The following KLHL1 variants were observed in gnomAD, a reference collection of about 807,000 sequenced individuals.
KLHL1 encodes kelch-like protein 1.
A neutral mutation model predicts 77.7 loss-of-function variants in KLHL1; 47 were observed. The observed-to-expected ratio is 0.60, with a 90% confidence interval of 0.48 to 0.77. The LOEUF is 0.77. KLHL1 is among the 30% of genes least tolerant of loss of function. The pLI is 0.00. For missense variants in KLHL1, 925 were observed against 910.8 expected (o/e 1.02, Z -0.20); for synonymous variants, 360 against 325.2 (o/e 1.11, Z -1.15).
chr13:69,718,735 A>G lies in KLHL1; in HGVS notation c.2015+634T>C, dbSNP rs990614. Among the ~76,000 whole-genome samples the G allele has an allele frequency of 2.0e-3, 305 of 152,170 alleles. 1 individual carries two copies. The highest frequency in any genetic ancestry group is 7.0e-3 in the African/African-American group (290 of 41,512). On this transcript the variant is annotated intron_variant, in intron 9 of 10. Transcript: ENST00000377844. ...ATACCTGTGCCAGAAGTCTCTGCAT[A>G]GTATTCCTAGGCCTGAAGCCAAGGT...
intron 7 of KLHL1, among the ~76,000 whole-genome samples, chr13:69,775,175 G>A (rs567011317): frequency 5.9e-5 from 9 of 152,142 alleles, no homozygotes; most frequent in African/African-American, 2.2e-4. Flanking sequence ...TGTACATGGA[G>A]GTGCTAATGC....
chr13:70,028,728 G>T (rs1283412804), intron 1 of KLHL1, among the ~76,000 whole-genome samples: 3 of 152,120 alleles, frequency 2.0e-5, no homozygotes, highest in Non-Finnish European at 2.9e-5. Flanking sequence ...TGTAATCCCA[G>T]CAGTTTGAGA....
intron 8 of KLHL1, among the ~76,000 whole-genome samples, chr13:69,727,641 T>C (rs1774854619): frequency 6.6e-6 from 1 of 152,132 alleles, no homozygotes; most frequent in Non-Finnish European, 1.5e-5. Context: ...ATGACCATGC[T>C]CAAATATGGC....
At chr13:70,027,116 A>G (rs1191025898) in intron 1 of KLHL1, among the ~76,000 whole-genome samples, 1 of 152,120 alleles carries the variant, frequency 6.6e-6, no homozygotes, top group Non-Finnish European at 1.5e-5. Context: ...CTAAATGGAG[A>G]ATGAGAATAG....
chr13:69,807,312 C>T (rs1047636511), intron 6 of KLHL1, among the ~76,000 whole-genome samples: 1 of 152,020 alleles, frequency 6.6e-6, no homozygotes, highest in African/African-American at 2.4e-5. Context: ...CCAAGCCCAC[C>T]CTTGGCCTGA....
At chr13:69,902,411 T>C (rs1200095481) in intron 4 of KLHL1, among the ~76,000 whole-genome samples, 3 of 152,284 alleles carry the variant, frequency 2.0e-5, no homozygotes, top group Admixed American at 2.0e-4. Context: ...CATAGATTTA[T>C]CATGGTATAC....
At chr13:69,829,279 C>A (rs1261030366) in intron 6 of KLHL1, among the ~76,000 whole-genome samples, 1 of 149,868 alleles carries the variant, frequency 6.7e-6, no homozygotes, top group Non-Finnish European at 1.5e-5. Flanking sequence ...TCCACAGACA[C>A]TCCCCAGTAC....
chr13:69,855,841 G>A (rs1039966056), intron 5 of KLHL1, among the ~76,000 whole-genome samples: 2 of 131,698 alleles, frequency 1.5e-5, no homozygotes, highest in East Asian at 2.1e-4. Context: ...TATATATACG[G>A]TATTATATAT....
At chr13:69,803,979 G>A (rs1334984258) in intron 6 of KLHL1, among the ~76,000 whole-genome samples, 1 of 152,096 alleles carries the variant, frequency 6.6e-6, no homozygotes, top group Non-Finnish European at 1.5e-5. Context: ...GCCACCCCAG[G>A]CTTTGAACCT....
intron 1 of KLHL1, among the ~76,000 whole-genome samples, chr13:70,071,517 A>C (rs981837163): frequency 1.3e-5 from 2 of 152,142 alleles, no homozygotes; most frequent in African/African-American, 4.8e-5. Flanking sequence ...GAACAGCAGA[A>C]TATGCGATCT....
chr13:70,055,396 A>C (rs1226505626), intron 1 of KLHL1, among the ~76,000 whole-genome samples: 1 of 152,142 alleles, frequency 6.6e-6, no homozygotes, highest in Non-Finnish European at 1.5e-5. Context: ...CAACACCAGA[A>C]CTGTCCTACA....
In KLHL1 at chr13:69,773,659, C is replaced by T. The variant is rs185382594; in HGVS notation, c.1639+23079G>A. Among the ~76,000 whole-genome samples, 445 of 151,840 alleles carry T rather than the reference C, an allele frequency of 2.9e-3. 3 individuals carry two copies. The highest frequency in any genetic ancestry group is 0.01 in the African/African-American group (417 of 41,482). On this transcript the variant is annotated intron_variant, in intron 7 of 10. Transcript: ENST00000377844. Reference sequence around the variant, plus strand: ...ACTCTACAATTTAGTCAAGGTCTTTCGAGTATGGAGCACAGAACCTAAATT... The same window carrying T: ...ACTCTACAATTTAGTCAAGGTCTTTTGAGTATGGAGCACAGAACCTAAATT...
chr13:69,917,999 A>G (rs556744750), intron 4 of KLHL1, among the ~76,000 whole-genome samples: 3 of 152,186 alleles, frequency 2.0e-5, no homozygotes, highest in African/African-American at 4.8e-5. Context: ...ATTGATATTG[A>G]TATGTTGTAA....
chr13:69,874,895 T>C (rs151000682), intron 5 of KLHL1, among the ~76,000 whole-genome samples: 109 of 152,226 alleles, frequency 7.2e-4, no homozygotes, highest in Admixed American at 2.6e-3. Flanking sequence ...CCTAAGAGCA[T>C]AAATCTTGTC....
rs1428875827 is a variant in KLHL1 at position 69,967,801 on chromosome 13, C to T, written c.681-6357G>A. On this transcript the variant is annotated intron_variant, in intron 2 of 10. Transcript: ENST00000377844. ...TCAGGTGGCTGAGGCAGGAGAATTG[C>T]TTGAACCTGGGAAGCGGAGATTGCA... Among the ~76,000 whole-genome samples, 8 of 151,624 alleles carry T rather than the reference C, an allele frequency of 5.3e-5. No homozygotes were observed. The South Asian group carries it at 8.3e-4, about 16-fold the overall frequency.
chr13:69,797,230 T>A (rs1877150023), intron 6 of KLHL1, among the ~76,000 whole-genome samples: 1 of 152,180 alleles, frequency 6.6e-6, no homozygotes, highest in East Asian at 1.9e-4. Flanking sequence ...ATAGAAACAT[T>A]GGTGAGCATG....
At chr13:69,737,875 C>G (rs537005593) in intron 8 of KLHL1, among the ~76,000 whole-genome samples, 1 of 152,276 alleles carries the variant, frequency 6.6e-6, no homozygotes, top group East Asian at 1.9e-4. Flanking sequence ...CACACCTGCC[C>G]CACCAAGCTG....
intron 3 of KLHL1, among the ~76,000 whole-genome samples, chr13:69,953,398 C>A (rs575388357): frequency 1.5e-4 from 22 of 151,014 alleles, no homozygotes; most frequent in African/African-American, 5.3e-4. Context: ...TTATGAGCAG[C>A]GCTGCCTCTC....
chr13:70,098,845 C>G (rs1887853970), intron 1 of KLHL1, among the ~76,000 whole-genome samples: 2 of 151,412 alleles, frequency 1.3e-5, no homozygotes, highest in African/African-American at 2.4e-5. Flanking sequence ...ACATTTTTTT[C>G]AAGGCACCAT....
Sources: gnomAD v4.1 joint callset for allele counts (sites outside exome capture counted in the v4.1 genomes callset) on GRCh38, gnomAD v4.1.1 for gene constraint, MANE v1.5 for transcripts, NCBI Gene and HGNC (gene_info 2026-07-23, HGNC 2026-07-21) for gene names.